The following NNT variants were observed in gnomAD, a reference collection of about 807,000 sequenced individuals.
The protein encoded by NNT is NAD(P) transhydrogenase, mitochondrial.
In NNT, 50 loss-of-function variants were observed where a neutral mutation model predicts 104.8. That is an observed-to-expected ratio of 0.48 (90% CI 0.38 to 0.60). The LOEUF is 0.60. Ranked by LOEUF, NNT falls within the 20% of genes least tolerant of loss-of-function variation. The pLI is 0.00. For synonymous variants in NNT, 461 were observed against 490.4 expected, an observed-to-expected ratio of 0.94 and a Z score of 0.79; for missense variants, 1,131 against 1,330.7, an observed-to-expected ratio of 0.85 and a Z score of 2.33.
chr5:43,652,944 G>A, intron 13 of NNT, 74 bp from the exon 14 acceptor site: 1 of 1,170,390 alleles, frequency 8.5e-7, no homozygotes, highest in Non-Finnish European at 1.2e-6. Context: ...TAATTGGCAG[G>A]AAAATATATT....
rs1741564665 is a variant in NNT, at chr5:43,678,948, C to T, written c.2876+1142C>T. ...TCCACTCCTTCCTCCAATCTATAGT[C>T]TGTGTTTGTCAAATATATAGAATCA... is the stretch of plus-strand genomic sequence containing the variant. On this transcript the variant is annotated intron_variant, in intron 19 of 21. Coordinates refer to ENST00000344920, the MANE Select transcript of NNT (RefSeq NM_182977.3). Among the ~76,000 whole-genome samples, 3 of 152,260 alleles carry T rather than the reference C, an allele frequency of 2.0e-5. No individual in the cohort carries two copies. In the South Asian group the frequency reaches 6.2e-4, roughly 32 times the overall value.
At chr5:43,684,349 G>A (rs1396489047) in intron 19 of NNT, among the ~76,000 whole-genome samples, 1 of 151,854 alleles carries the variant, frequency 6.6e-6, no homozygotes, top group Non-Finnish European at 1.5e-5. Flanking sequence ...CTGGCTTTTA[G>A]AAAGTTCTAG....
chr5:43,659,482 G>C, intron 17 of NNT, 132 bp downstream of exon 17: 1 of 732,864 alleles, frequency 1.4e-6, no homozygotes, highest in Non-Finnish European at 2.1e-6. Flanking sequence ...TGTAATCCCA[G>C]CACTTTAGGA....
intron 2 of NNT, among the ~76,000 whole-genome samples, chr5:43,610,482 AT>A (rs1749447584): frequency 6.6e-6 from 1 of 152,116 alleles, no homozygotes; most frequent in Non-Finnish European, 1.5e-5. Flanking sequence ...TAAAAATGGC[AT>A]TTTCTTATTA....
intron 5 of NNT, among the ~76,000 whole-genome samples, chr5:43,621,151 T>C (rs1212556663): frequency 6.6e-6 from 1 of 152,250 alleles, no homozygotes; most frequent in African/African-American, 2.4e-5. Flanking sequence ...TAGAACAAGT[T>C]TGTTCAAGCC....
chr5:43,662,553 G>A (rs1258716771), intron 17 of NNT, among the ~76,000 whole-genome samples: 3 of 151,942 alleles, frequency 2.0e-5, no homozygotes, highest in Non-Finnish European at 4.4e-5. Context: ...ATCATATTGG[G>A]TCAGATTAAT....
intron 4 of NNT, 78 bp from the exon 5 acceptor site, chr5:43,618,954 A>T: frequency 1.2e-6 from 1 of 809,272 alleles, no homozygotes; most frequent in African/African-American, 1.8e-5. Flanking sequence ...AACTTCATTG[A>T]TGACTTATGA....
chr5:43,620,843 G>A (rs974642752), intron 5 of NNT, among the ~76,000 whole-genome samples: 12 of 152,162 alleles, frequency 7.9e-5, no homozygotes, highest in African/African-American at 2.7e-4. Context: ...TGATGCACAA[G>A]TCTACTACTA....
intron 19 of NNT, among the ~76,000 whole-genome samples, chr5:43,685,259 C>T (rs17307340): frequency 6.6e-6 from 1 of 151,914 alleles, no homozygotes; most frequent in African/African-American, 2.4e-5. Context: ...TGTCAACCTC[C>T]TAGAAGGTTA....
intron 10 of NNT, 145 bp downstream of exon 10, chr5:43,645,655 C>CTATCTA (rs1458333612): frequency 9.2e-5 from 3 of 32,648 alleles, no homozygotes; most frequent in African/African-American, 2.9e-4. Context: ...ATCTATCTAT[C>CTATCTA]TCTCTCTCTC....
At chr5:43,659,376 A>T (rs768105794) in intron 17 of NNT, 26 bp downstream of exon 17, 5 of 1,562,548 alleles carry the variant, frequency 3.2e-6, no homozygotes, top group Non-Finnish European at 3.5e-6. Context: ...TACATGAAAC[A>T]AAAGGAAATG....
intron 5 of NNT, among the ~76,000 whole-genome samples, chr5:43,619,586 A>G (rs913361059): frequency 6.6e-6 from 1 of 152,150 alleles, no homozygotes; most frequent in Non-Finnish European, 1.5e-5. Context: ...AAATGGTGCC[A>G]GTTTCTTTAA....
At chr5:43,690,272 T>G (rs1742199581) in intron 19 of NNT, among the ~76,000 whole-genome samples, 1 of 152,302 alleles carries the variant, frequency 6.6e-6, no homozygotes, top group East Asian at 1.9e-4. Flanking sequence ...TTTGGACTTC[T>G]GACCTTCAGC....
intron 18 of NNT, among the ~76,000 whole-genome samples, chr5:43,677,254 G>C (rs983318233): frequency 1.3e-5 from 2 of 152,222 alleles, no homozygotes; most frequent in South Asian, 4.1e-4. Flanking sequence ...GAGGGGCAAA[G>C]TTAAAGCCCT....
intron 17 of NNT, among the ~76,000 whole-genome samples, chr5:43,671,110 G>GC (rs1741051472): frequency 6.6e-6 from 1 of 152,118 alleles, no homozygotes; most frequent in South Asian, 2.1e-4. Flanking sequence ...TGTAACCCCT[G>GC]CTTTTTTTTG....
chr5:43,630,210 G>A (rs1443941215), intron 7 of NNT, among the ~76,000 whole-genome samples: 1 of 152,140 alleles, frequency 6.6e-6, no homozygotes. Flanking sequence ...AATTATCCCA[G>A]CACCATTGCT....
At chr5:43,649,447 G>C in intron 11 of NNT, 139 bp downstream of exon 11, 1 of 964,594 alleles carries the variant, frequency 1.0e-6, no homozygotes, top group Non-Finnish European at 1.6e-6. Context: ...GGTGATCTAA[G>C]GGCTCCCAGA....
chr5:43,645,393 A>G lies in NNT; in HGVS notation c.1327A>G (p.Asn443Asp). 1 of 1,563,890 alleles carries G rather than the reference A, an allele frequency of 6.4e-7. No individual in the cohort carries two copies. The highest frequency in any genetic ancestry group is 8.7e-7 in the Non-Finnish European group (1 of 1,153,666). The change falls in exon 10 of 22, where the codon AAT (asparagine) becomes GAT (aspartate). Residue 443 changes from asparagine to aspartate, a missense_variant. Physicochemically the swap from Asn to Asp is conservative, Grantham distance 23. Coordinates refer to ENST00000344920, the MANE Select transcript of NNT (RefSeq NM_182977.3). ...GATTTTCCCAGCTCCCACACCGAAAAATATTCCTCAAGGTGCCCCAGTAAA... is the reference window on the plus strand; with the variant it reads ...GATTTTCCCAGCTCCCACACCGAAAGATATTCCTCAAGGTGCCCCAGTAAA... ...KVIFPAPTPK[N>D]IPQGAPVKQK...
At chr5:43,644,564 T>C in intron 8 of NNT, 47 bp from the exon 9 acceptor site, 1 of 1,477,216 alleles carries the variant, frequency 6.8e-7, no homozygotes, top group Non-Finnish European at 9.2e-7. Context: ...AGAATGAATG[T>C]GAACATAGGG....
Sources: gnomAD v4.1 joint callset for allele counts (sites outside exome capture counted in the v4.1 genomes callset) on GRCh38, gnomAD v4.1.1 for gene constraint, MANE v1.5 for transcripts, NCBI Gene and HGNC (gene_info 2026-07-23, HGNC 2026-07-21) for gene names.